Variants in OR51E1 observed in about 807,000 individuals in gnomAD.
OR51E1 encodes olfactory receptor 51E1.
Under a neutral mutation model 11.5 loss-of-function variants are expected in OR51E1, and 9 were observed. That is an observed-to-expected ratio of 0.78 (90% CI 0.47 to 1.37). The LOEUF (loss-of-function observed/expected upper bound fraction) is 1.37. OR51E1 is among the 40% of genes most tolerant of loss of function. OR51E1 has a pLI of 0.00. For synonymous variants in OR51E1, 168 were observed against 158.3 expected (o/e 1.06, Z -0.46); for missense variants, 397 against 410.2 (o/e 0.97, Z 0.28).
chr11:4,650,215 A>G (rs1164212252), intron 1 of OR51E1, among the ~76,000 whole-genome samples: 5 of 152,202 alleles, frequency 3.3e-5, no homozygotes, highest in African/African-American at 1.2e-4. Flanking sequence ...GAAGGGGATG[A>G]GATGGCCCAG....
chr11:4,653,720 T>G lies in OR51E1; in HGVS notation c.*237T>G. ...GGTTGTGGTTGGAGGGTTATTACTTTTCATTTTACCATGCAGTCCAAATCT... is the reference window on the plus strand; with the variant it reads ...GGTTGTGGTTGGAGGGTTATTACTTGTCATTTTACCATGCAGTCCAAATCT... On this transcript the variant is annotated 3_prime_UTR_variant, in exon 2 of 2. Transcript: ENST00000396952. 2.3e-6 allele frequency: 1 copy of G among 435,542 alleles called. No homozygotes were observed. Among genetic ancestry groups the G allele is most frequent in the African/African-American group, 2.0e-5 (1 of 49,298 alleles). The allele number at this position is 435,542 out of a possible 1,614,324, so 27.0% of individuals were successfully genotyped here. A position where few individuals can be genotyped will look rare whatever the true frequency, so the allele number is the denominator to read the frequency against.
chr11:4,645,795 TTGAGTGACCAGGG>T (rs1847023982), intron 1 of OR51E1, among the ~76,000 whole-genome samples: 1 of 152,142 alleles, frequency 6.6e-6, no homozygotes, highest in Non-Finnish European at 1.5e-5. Flanking sequence ...TCAGGCTGAC[TTGAGTGACCAGGG>T]TGGGGTGAGG....
At chr11:4,649,787 T>C (rs1055260241) in intron 1 of OR51E1, among the ~76,000 whole-genome samples, 5 of 152,138 alleles carry the variant, frequency 3.3e-5, no homozygotes, top group African/African-American at 7.2e-5. Flanking sequence ...GCAACAGATA[T>C]TATTTTTGGC....
rs1415092137 is a variant in OR51E1 at position 4,654,022 on chromosome 11, T to A, written c.*539T>A. The A allele has an allele frequency of 6.0e-6, 1 of 166,758 alleles. No homozygotes were observed. Among genetic ancestry groups the A allele is most frequent in the Non-Finnish European group, 1.5e-5 (1 of 68,210 alleles). 10.3% of individuals were successfully genotyped at this position (166,758 alleles called of 1,614,324 possible). On this transcript the variant is annotated 3_prime_UTR_variant, in exon 2 of 2. Transcript: ENST00000396952. ...ATTGGAAGTAAAGCCTTGAAAAGAG[T>A]ACATTTACCTACGTTAATGAAAGTT...
At chr11:4,651,387 G>A (rs775312347) in intron 1 of OR51E1, among the ~76,000 whole-genome samples, 13 of 152,350 alleles carry the variant, frequency 8.5e-5, no homozygotes, top group Non-Finnish European at 1.2e-4. Flanking sequence ...GGGGAAGAAA[G>A]CTAAGCAGGG....
In OR51E1 at chr11:4,645,183, G is replaced by A. The variant is rs139511147; in HGVS notation, c.-40+1153G>A. ...TTGTTTACTTCTCATTATTGGCCTC[G>A]TGTTATATGAGCTCCATAAAAGCCA... On this transcript the variant is annotated intron_variant, in intron 1 of 1. Coordinates refer to ENST00000396952, the MANE Select transcript of OR51E1 (RefSeq NM_152430.4). Among the ~76,000 whole-genome samples, 321 of 152,078 alleles carry A rather than the reference G, an allele frequency of 2.1e-3. 1 individual carries two copies. The highest frequency in any genetic ancestry group is 3.2e-3 in the Non-Finnish European group (218 of 67,998).
intron 1 of OR51E1, among the ~76,000 whole-genome samples, chr11:4,648,071 T>C (rs1019339999): frequency 6.6e-6 from 1 of 152,138 alleles, no homozygotes; most frequent in African/African-American, 2.4e-5. Flanking sequence ...CGGTGGCACT[T>C]GAGCTCTCTG....
At chr11:4,645,296 A>G (rs1505196) in intron 1 of OR51E1, among the ~76,000 whole-genome samples, 150,480 of 152,262 alleles carry the variant, frequency 0.99, 74,393 homozygotes, top group Middle Eastern at 1. Flanking sequence ...GCTGTGCCCC[A>G]CCCCATTAAC....
chr11:4,654,894 T>C lies in OR51E1; in HGVS notation c.*1411T>C, dbSNP rs879834909. The C allele has an allele frequency of 2.4e-5, 4 of 167,088 alleles. No homozygotes were observed. Among genetic ancestry groups the C allele is most frequent in the Non-Finnish European group, 4.4e-5 (3 of 68,128 alleles). 10.4% of individuals were successfully genotyped at this position (167,088 alleles called of 1,614,324 possible). A position where few individuals can be genotyped will look rare whatever the true frequency, so the allele number is the denominator to read the frequency against. On this transcript the variant is annotated 3_prime_UTR_variant, in exon 2 of 2. Transcript: ENST00000396952. ...GTGATCATATATGTGGTAAGTTTCA[T>C]TTTCTTTTTCAATCCTCAGGTTCCC...
chr11:4,647,618 T>A (rs1252785316), intron 1 of OR51E1, among the ~76,000 whole-genome samples: 1 of 151,742 alleles, frequency 6.6e-6, no homozygotes, highest in Non-Finnish European at 1.5e-5. Flanking sequence ...GGAGACAGAG[T>A]TCTGAAGCCC....
chr11:4,644,316 T>C (rs1847001752), intron 1 of OR51E1, among the ~76,000 whole-genome samples: 1 of 152,014 alleles, frequency 6.6e-6, no homozygotes, highest in Admixed American at 6.5e-5. Flanking sequence ...GGGGCTGATG[T>C]GAATGAGGAC....
rs926579833 is a variant in OR51E1 at position 4,654,421 on chromosome 11, G to A, written c.*938G>A. Reference sequence around the variant, plus strand: ...TTAATCCCACTAGCTATTGCTTATTGTCCTGGTCCAATTGCCAATTACCTG... The same window carrying A: ...TTAATCCCACTAGCTATTGCTTATTATCCTGGTCCAATTGCCAATTACCTG... On this transcript the variant is annotated 3_prime_UTR_variant, in exon 2 of 2. Coordinates refer to ENST00000396952, the MANE Select transcript of OR51E1 (RefSeq NM_152430.4). 6.0e-6 allele frequency: 1 copy of A among 167,044 alleles called. No individual in the cohort carries two copies. Among genetic ancestry groups the A allele is most frequent in the Non-Finnish European group, 1.5e-5 (1 of 68,100 alleles). 10.3% of individuals were successfully genotyped at this position (167,044 alleles called of 1,614,324 possible).
chr11:4,649,164 G>T (rs1207888563), intron 1 of OR51E1, among the ~76,000 whole-genome samples: 2 of 152,234 alleles, frequency 1.3e-5, no homozygotes, highest in Non-Finnish European at 2.9e-5. Flanking sequence ...TCATAATTCA[G>T]GGGAAAATAT....
rs921060490 is a variant in OR51E1 at position 4,655,219 on chromosome 11, T to C, written c.*1736T>C. The C allele has an allele frequency of 3.6e-5, 6 of 167,124 alleles. No individual in the cohort carries two copies. Among genetic ancestry groups the C allele is most frequent in the African/African-American group, 1.4e-4 (6 of 41,454 alleles). 10.4% of individuals were successfully genotyped at this position (167,124 alleles called of 1,614,324 possible). A position where few individuals can be genotyped will look rare whatever the true frequency, so the allele number is the denominator to read the frequency against. On this transcript the variant is annotated 3_prime_UTR_variant, in exon 2 of 2. Coordinates refer to ENST00000396952, the MANE Select transcript of OR51E1 (RefSeq NM_152430.4). ...CAGCCTTCTTTGAGTTGGGTATTAT[T>C]AAATTCTGGCCATTACTTCCAATGT...
At chr11:4,648,291 G>A (rs1011926213) in intron 1 of OR51E1, among the ~76,000 whole-genome samples, 1 of 152,198 alleles carries the variant, frequency 6.6e-6, no homozygotes, top group Non-Finnish European at 1.5e-5. Flanking sequence ...GTAAATATGT[G>A]TGTGTATGAG....
Position 4,653,224 on chromosome 11 carries a change from G to C in OR51E1, c.698G>C (p.Arg233Pro). 1 of 1,613,938 alleles carries C rather than the reference G, an allele frequency of 6.2e-7. No homozygotes were observed. Among genetic ancestry groups the C allele is most frequent in the Non-Finnish European group, 8.5e-7 (1 of 1,179,868 alleles). ...CTTAAGACTGTGTTGGGCTTGACAC[G>C]TGAAGCCCAGGCCAAGGCATTTGGC... ...LILKTVLGLT[R>P]EAQAKAFGTC... is the part of the protein sequence containing the mutation. Residue 233 changes from arginine (R) to proline (P), a missense_variant, in exon 2 of 2, where the codon CGT becomes CCT. By Grantham distance (103) the Arg-to-Pro change is moderately radical. Coordinates refer to ENST00000396952, the MANE Select transcript of OR51E1 (RefSeq NM_152430.4).
rs1846998087 is a variant in OR51E1, at chr11:4,644,014, C to G, written c.-56C>G. 6.5e-6 allele frequency: 1 copy of G among 152,972 alleles called. No homozygotes were observed. Among genetic ancestry groups the G allele is most frequent in the Non-Finnish European group, 1.5e-5 (1 of 68,252 alleles). 9.5% of individuals were successfully genotyped at this position (152,972 alleles called of 1,614,324 possible). On this transcript the variant is annotated 5_prime_UTR_variant, in exon 1 of 2. Transcript: ENST00000396952. ...GACTGGACAAAGGGGGTCACACATT[C>G]CTTCCATACGGTTGAGGTGAGTGCA...
rs1179303786 is a variant in OR51E1, at chr11:4,653,793, C to T, written c.*310C>T. 5 of 243,624 alleles carry T rather than the reference C, an allele frequency of 2.1e-5. No homozygotes were observed. 15.1% of individuals were successfully genotyped at this position (243,624 alleles called of 1,614,324 possible). On this transcript the variant is annotated 3_prime_UTR_variant, in exon 2 of 2. Coordinates refer to ENST00000396952, the MANE Select transcript of OR51E1 (RefSeq NM_152430.4). ...ACAGCATTCTGAGATAAGAATGGTA[C>T]ATCTAGAGAACATTTGCCAAAGGCC...
At chr11:4,650,405 C>T (rs932233688) in intron 1 of OR51E1, among the ~76,000 whole-genome samples, 1 of 152,198 alleles carries the variant, frequency 6.6e-6, no homozygotes, top group African/African-American at 2.4e-5. Flanking sequence ...GAAGCTGCAG[C>T]AGCGAGAAGG....
Sources: gnomAD v4.1 joint callset for allele counts (sites outside exome capture counted in the v4.1 genomes callset) on GRCh38, gnomAD v4.1.1 for gene constraint, MANE v1.5 for transcripts, NCBI Gene and HGNC (gene_info 2026-07-23, HGNC 2026-07-21) for gene names.